Variants in VCAN observed in about 807,000 individuals in gnomAD.
VCAN encodes versican core protein.
VCAN carries 44 observed loss-of-function variants against 245.5 expected under a neutral mutation model. The ratio of observed to expected loss-of-function variants is 0.18; its 90% CI spans 0.14 to 0.23. The LOEUF (loss-of-function observed/expected upper bound fraction) is 0.23, where lower values mean the gene tolerates loss of function less well. VCAN is among the 10% of genes least tolerant of loss of function. VCAN has a pLI of 1.00. For missense variants in VCAN, 3,793 were observed against 4,057.9 expected, an observed-to-expected ratio of 0.93 and a Z score of 1.77; for synonymous variants, 1,413 against 1,437.0, an observed-to-expected ratio of 0.98 and a Z score of 0.38.
At chr5:83,542,430 A>G (rs1747042212) in intron 8 of VCAN, among the ~76,000 whole-genome samples, 162 bp downstream of exon 8, 1 of 152,188 alleles carries the variant, frequency 6.6e-6, no homozygotes, top group Admixed American at 6.5e-5. Flanking sequence ...TCATAATGAG[A>G]TGAAATGACA....
At chr5:83,478,370 C>CT (rs1045159426) in intron 1 of VCAN, among the ~76,000 whole-genome samples, 1 of 152,020 alleles carries the variant, frequency 6.6e-6, no homozygotes, top group Non-Finnish European at 1.5e-5. Flanking sequence ...TTGGCAATCA[C>CT]TTTTTTTTGA....
Position 83,537,423 on chromosome 5 carries a change from A to G in VCAN, c.4420A>G (p.Thr1474Ala). The change falls in exon 8 of 15, where the codon ACT becomes GCT. Residue 1474 changes from threonine (T) to alanine (A), a missense_variant. By Grantham distance (58) the Thr-to-Ala change is moderately conservative (BLOSUM62 0). Transcript: ENST00000265077. ...GCAACCTAATGAATCTACAGAAACA[A>G]CTGAGTCTCTTGAAGTTACATGGAA... is the stretch of plus-strand genomic sequence containing the variant. The part of the protein sequence containing the change: ...AVQPNESTET[T>A]ESLEVTWKPE... The G allele has an allele frequency of 6.2e-7, 1 of 1,613,980 alleles. No individual in the cohort carries two copies. Among genetic ancestry groups the G allele is most frequent in the Non-Finnish European group, 8.5e-7 (1 of 1,179,944 alleles).
At position 83,581,589 on chromosome 5, in the gene VCAN, G is replaced by A. The variant is rs1427318064; in HGVS notation, c.*1155G>A. ...GGTACTTTGTCCCTGATTAAATAATGTGACGGATAGAATGCATCAAGTGTT... is the reference window on the plus strand; with the variant it reads ...GGTACTTTGTCCCTGATTAAATAATATGACGGATAGAATGCATCAAGTGTT... On this transcript the variant is annotated 3_prime_UTR_variant, in exon 15 of 15. Transcript: ENST00000265077. The A allele has an allele frequency of 6.6e-6, 1 of 152,152 alleles. No individual in the cohort carries two copies. The highest frequency in any genetic ancestry group is 1.5e-5 in the Non-Finnish European group (1 of 68,030). 9.4% of individuals were successfully genotyped at this position (152,152 alleles called of 1,614,324 possible).
At chr5:83,502,859 G>T (rs139190676) in intron 5 of VCAN, among the ~76,000 whole-genome samples, 69 of 152,290 alleles carry the variant, frequency 4.5e-4, no homozygotes, top group African/African-American at 1.6e-3. Context: ...ATACAAGGGA[G>T]AAATTTGGAG....
chr5:83,567,488 G>C (rs160185), intron 12 of VCAN, among the ~76,000 whole-genome samples: 123,864 of 151,380 alleles, frequency 0.82, 50,960 homozygotes, highest in African/African-American at 0.9. Flanking sequence ...TTTTAGTAGA[G>C]ACGGGGTTTC....
At chr5:83,572,976 C>T (rs1054810280) in intron 13 of VCAN, among the ~76,000 whole-genome samples, 9 of 151,528 alleles carry the variant, frequency 5.9e-5, no homozygotes, top group South Asian at 2.1e-4. Flanking sequence ...TCTTGGCTCA[C>T]GGCAACCTCC....
At chr5:83,545,286 G>T (rs539713369) in intron 8 of VCAN, among the ~76,000 whole-genome samples, 60 of 152,252 alleles carry the variant, frequency 3.9e-4, no homozygotes, top group African/African-American at 1.4e-3. Context: ...GCCAGATACA[G>T]TACAAAAAAT....
At chr5:83,511,793 CAG>C (rs1745668754) in intron 5 of VCAN, among the ~76,000 whole-genome samples, 2 of 152,202 alleles carry the variant, frequency 1.3e-5, no homozygotes, top group South Asian at 4.1e-4. Flanking sequence ...AAGAATCACT[CAG>C]AAGGATTTGT....
chr5:83,518,072 A>C lies in VCAN; in HGVS notation c.1043-1277A>C, dbSNP rs115013630. Reference sequence around the variant, plus strand: ...AAAAATAAAAAAGAAGATACTATAGATACTATGGCTATTACACCTCTTTTC... The same window carrying C: ...AAAAATAAAAAAGAAGATACTATAGCTACTATGGCTATTACACCTCTTTTC... On this transcript the variant is annotated intron_variant, in intron 6 of 14. Transcript: ENST00000265077. Among the ~76,000 whole-genome samples, 1,100 of 152,280 alleles carry C rather than the reference A, an allele frequency of 7.2e-3. 17 individuals are homozygous for C. The highest frequency in any genetic ancestry group is 0.026 in the African/African-American group (1,064 of 41,564).
At position 83,582,216 on chromosome 5, in the gene VCAN, T is replaced by G. The variant is rs1019439870; in HGVS notation, c.*1782T>G. ...TATAGTGTAAAATGTGAATGACTTT[T>G]TTTGTGAATGAAAATCTAAAATCTT... is the stretch of plus-strand genomic sequence containing the variant. On this transcript the variant is annotated 3_prime_UTR_variant, in exon 15 of 15. Transcript: ENST00000265077. 1 of 152,182 alleles carries G rather than the reference T, an allele frequency of 6.6e-6. No homozygotes were observed. The highest frequency in any genetic ancestry group is 1.9e-4 in the East Asian group (1 of 5,198). The allele number at this position is 152,182 out of a possible 1,614,324, so 9.4% of individuals were successfully genotyped here.
At chr5:83,478,821 GC>G (rs2112335191) in intron 1 of VCAN, among the ~76,000 whole-genome samples, 1 of 152,274 alleles carries the variant, frequency 6.6e-6, no homozygotes, top group African/African-American at 2.4e-5. Flanking sequence ...ATCAAAGACT[GC>G]TCTGTTGGAA....
At chr5:83,565,525 T>C (rs1748048490) in intron 12 of VCAN, among the ~76,000 whole-genome samples, 1 of 152,094 alleles carries the variant, frequency 6.6e-6, no homozygotes, top group African/African-American at 2.4e-5. Flanking sequence ...TTTTTATTTA[T>C]ATTGTATGAT....
Position 83,537,497 on chromosome 5 carries a change from T to C in VCAN, c.4494T>C (p.Pro1498=), listed in dbSNP as rs746728491. Residue 1498 remains proline, a synonymous_variant, in exon 8 of 15, where the codon CCT becomes CCC. Coordinates refer to ENST00000265077, the MANE Select transcript of VCAN (RefSeq NM_004385.5). Reference sequence around the variant, plus strand: ...CAGAACATTTTTCAGGTGGTGAGCCTGATGTTTTCCCCACAGTCCCATTCC... The same window carrying C: ...CAGAACATTTTTCAGGTGGTGAGCCCGATGTTTTCCCCACAGTCCCATTCC... ...ETSEHFSGGE[P]DVFPTVPFHE... 1.5e-5 allele frequency: 25 copies of C among 1,613,956 alleles called. No homozygotes were observed. The highest frequency in any genetic ancestry group is 2.0e-5 in the Non-Finnish European group (24 of 1,179,960).
intron 5 of VCAN, among the ~76,000 whole-genome samples, chr5:83,497,320 A>G (rs1481773797): frequency 1.3e-5 from 2 of 152,128 alleles, no homozygotes; most frequent in African/African-American, 4.8e-5. Flanking sequence ...TTCCTGACAT[A>G]TGTGTTTCTC....
At chr5:83,472,877 C>A (rs948247522) in intron 1 of VCAN, among the ~76,000 whole-genome samples, 2 of 152,058 alleles carry the variant, frequency 1.3e-5, no homozygotes, top group African/African-American at 4.8e-5. Context: ...TTTTTCTCAC[C>A]CTGAAGAGTG....
intron 7 of VCAN, among the ~76,000 whole-genome samples, chr5:83,530,117 A>C (rs1746462119): frequency 6.6e-6 from 1 of 152,072 alleles, no homozygotes; most frequent in African/African-American, 2.4e-5. Flanking sequence ...CCTTACTTAA[A>C]ATTTAAATAT....
chr5:83,521,430 G>A lies in VCAN; in HGVS notation c.3124G>A (p.Ala1042Thr), dbSNP rs759050538. The A allele has an allele frequency of 8.7e-6, 14 of 1,614,022 alleles. No individual in the cohort carries two copies. Among genetic ancestry groups the A allele is most frequent in the Non-Finnish European group, 1.2e-5 (14 of 1,180,020 alleles). ...QEEFPWKEQT[A>T]EKPVPALSST... ...AGAATTCCCTTGGAAAGAACAGACT[G>A]CAGAGAAACCAGTTCCTGCTCTCAG... The change falls in exon 7 of 15, where the codon GCA becomes ACA. Residue 1042 changes from alanine (A) to threonine (T), a missense_variant. By Grantham distance (58) the Ala-to-Thr change is moderately conservative. Around this residue, in one of 5 missense-constraint regions of VCAN, gnomAD observed 3,182 missense variants for 3,250.3 expected, o/e 0.98. Coordinates refer to ENST00000265077, the MANE Select transcript of VCAN (RefSeq NM_004385.5).
chr5:83,554,250 A>C (rs1157770566), intron 11 of VCAN, among the ~76,000 whole-genome samples: 2 of 151,970 alleles, frequency 1.3e-5, no homozygotes, highest in Admixed American at 1.3e-4. Context: ...TAATCCTCCC[A>C]CCTCTGCTTC....
At chr5:83,487,869 C>A (rs897009522) in intron 2 of VCAN, among the ~76,000 whole-genome samples, 1 of 151,996 alleles carries the variant, frequency 6.6e-6, no homozygotes, top group Non-Finnish European at 1.5e-5. Flanking sequence ...TCCCTATATA[C>A]TTCAAATTGT....
Sources: allele counts gnomAD v4.1 joint callset (sites outside exome capture counted in the v4.1 genomes callset), GRCh38; gene constraint gnomAD v4.1.1; regional missense constraint gnomAD v4.1.1; transcripts MANE v1.5; gene names NCBI Gene and HGNC (gene_info 2026-07-23, HGNC 2026-07-21).